The following TRIM33 variants were observed in gnomAD, a reference collection of about 807,000 sequenced individuals.
TRIM33 encodes the protein E3 ubiquitin-protein ligase TRIM33.
In TRIM33, 20 loss-of-function variants were observed where a neutral mutation model predicts 125.4. The observed-to-expected ratio is 0.16, with a 90% CI of 0.11 to 0.23. The LOEUF is 0.23. Among genes scored for constraint, TRIM33 ranks in the 10% least tolerant of loss-of-function variants. The probability of loss-of-function intolerance (pLI) is 1.00; values close to 1 mark genes in which losing one functional copy is unlikely to be tolerated. For missense variants in TRIM33, 920 were observed against 1,411.4 expected (o/e 0.65, Z 5.58); for synonymous variants, 564 against 513.9 (o/e 1.10, Z -1.32).
In TRIM33 at chr1:114,421,655, T is replaced by C; in HGVS notation, c.1861-19A>G. The C allele has an allele frequency of 6.2e-7, 1 of 1,610,768 alleles. No homozygotes were observed. Among genetic ancestry groups the C allele is most frequent in the African/African-American group, 1.3e-5 (1 of 74,990 alleles). On this transcript the variant is annotated intron_variant, in intron 10 of 19. Transcript: ENST00000358465. ...TTGAGTGCTAATAAGAAAGAAGACA[T>C]TATCATTACTTGATCTGCCAGAATC...
chr1:114,499,931 C>G (rs1652609789), intron 1 of TRIM33, among the ~76,000 whole-genome samples: 2 of 152,286 alleles, frequency 1.3e-5, no homozygotes, highest in South Asian at 4.1e-4. Context: ...GAGGCCCAGG[C>G]AGGCAGATCA....
At chr1:114,461,667 C>T (rs1019256183) in intron 4 of TRIM33, among the ~76,000 whole-genome samples, 3 of 152,034 alleles carry the variant, frequency 2.0e-5, no homozygotes, top group Non-Finnish European at 2.9e-5. Context: ...GTGGCAATGC[C>T]GCTGAAGCTA....
rs1483945591 is a variant in TRIM33, at chr1:114,395,423, T to G, written c.*2225A>C. 1 of 198,572 alleles carries G rather than the reference T, an allele frequency of 5.0e-6. No individual in the cohort carries two copies. Among genetic ancestry groups the G allele is most frequent in the Non-Finnish European group, 1.0e-5 (1 of 95,952 alleles). 12.3% of individuals were successfully genotyped at this position (198,572 alleles called of 1,614,324 possible). Reference sequence around the variant, plus strand: ...ACTGAAAAATATTTACTTAAAATGTTTCTCCCCTCAGTTGGCAGAATCTAT... The same window carrying G: ...ACTGAAAAATATTTACTTAAAATGTGTCTCCCCTCAGTTGGCAGAATCTAT... On this transcript the variant is annotated 3_prime_UTR_variant, in exon 20 of 20. Transcript: ENST00000358465.
At chr1:114,471,370 G>A (rs888366317) in intron 1 of TRIM33, among the ~76,000 whole-genome samples, 1 of 151,908 alleles carries the variant, frequency 6.6e-6, no homozygotes, top group Non-Finnish European at 1.5e-5. Flanking sequence ...GAACCCAGGA[G>A]GCGGAGACTG....
At chr1:114,444,830 A>C (rs114249129) in intron 4 of TRIM33, among the ~76,000 whole-genome samples, 4,015 of 152,346 alleles carry the variant, frequency 0.026, 93 homozygotes, top group Non-Finnish European at 0.034. Context: ...ACAGCAAAGA[A>C]AAAAGTACTC....
chr1:114,419,684 G>C (rs1233358853), intron 11 of TRIM33, among the ~76,000 whole-genome samples: 1 of 152,184 alleles, frequency 6.6e-6, no homozygotes, highest in African/African-American at 2.4e-5. Context: ...CAATATGTTA[G>C]TGATTTCTGA....
In TRIM33 at chr1:114,444,361, C is replaced by A. The variant is rs887559936; in HGVS notation, c.924-10628G>T. Among the ~76,000 whole-genome samples the A allele has an allele frequency of 2.0e-5, 3 of 152,202 alleles. No homozygotes were observed. The East Asian group carries it at 5.8e-4, about 29-fold the overall frequency. ...GACTGCCGTTGCTATAAAGTTGACA[C>A]TGGAAGAGAAGAACTAGAGGTCATG... On this transcript the variant is annotated intron_variant, in intron 4 of 19. Transcript: ENST00000358465.
intron 1 of TRIM33, among the ~76,000 whole-genome samples, chr1:114,500,321 T>C (rs904591573): frequency 6.6e-6 from 1 of 152,162 alleles, no homozygotes; most frequent in African/African-American, 2.4e-5. Flanking sequence ...TTGTTGTCGT[T>C]GTTTTTCTGT....
intron 1 of TRIM33, among the ~76,000 whole-genome samples, chr1:114,503,890 G>GA (rs1365189546): frequency 1.3e-5 from 2 of 152,160 alleles, no homozygotes; most frequent in Non-Finnish European, 1.5e-5. Context: ...AGTTTTCTAT[G>GA]AAAAAAAGCA....
intron 7 of TRIM33, 48 bp from the exon 8 acceptor site, chr1:114,427,342 G>T: frequency 1.0e-6 from 1 of 994,748 alleles, no homozygotes. Context: ...AATATCAATT[G>T]GGAAATCATA....
At chr1:114,419,899 A>G (rs1031363206) in intron 11 of TRIM33, among the ~76,000 whole-genome samples, 2 of 152,210 alleles carry the variant, frequency 1.3e-5, no homozygotes, top group South Asian at 4.1e-4. Context: ...AAAATTTTAA[A>G]AAGTTTGAAG....
At chr1:114,479,885 C>G (rs924996265) in intron 1 of TRIM33, among the ~76,000 whole-genome samples, 3 of 97,116 alleles carry the variant, frequency 3.1e-5, no homozygotes, top group African/African-American at 1.4e-4. Flanking sequence ...CACCCGGCCG[C>G]CGCCCCATCC....
intron 17 of TRIM33, 83 bp from the exon 18 acceptor site, chr1:114,399,692 T>C (rs1440934293): frequency 4.2e-5 from 51 of 1,228,360 alleles, no homozygotes; most frequent in Non-Finnish European, 5.4e-5. Flanking sequence ...ATATTAATTT[T>C]AGGGAAAAAA....
In TRIM33 at chr1:114,405,496, T is replaced by C. The variant is rs2101095639; in HGVS notation, c.2682A>G (p.Gln894=). The C allele has an allele frequency of 1.9e-6, 3 of 1,614,214 alleles. No individual in the cohort carries two copies. Among genetic ancestry groups the C allele is most frequent in the Non-Finnish European group, 2.5e-6 (3 of 1,180,036 alleles). ...DPNEDWCAVC[Q]NGGDLLCCEK... is the part of the protein sequence containing the mutation. Reference sequence around the variant, plus strand: ...CGCAGCACAAGAGATCTCCTCCGTTTTGGCAGACAGCACACCAGTCTTCAT... The same window carrying C: ...CGCAGCACAAGAGATCTCCTCCGTTCTGGCAGACAGCACACCAGTCTTCAT... Residue 894 remains glutamine (Q), a synonymous_variant, in exon 15 of 20, where the codon CAA becomes CAG. Coordinates refer to ENST00000358465, the MANE Select transcript of TRIM33 (RefSeq NM_015906.4).
At chr1:114,504,498 A>G (rs1202910135) in intron 1 of TRIM33, among the ~76,000 whole-genome samples, 2 of 152,300 alleles carry the variant, frequency 1.3e-5, no homozygotes, top group African/African-American at 2.4e-5. Context: ...CTTTTGCACC[A>G]TTAATATAAA....
chr1:114,501,829 T>C (rs1051349652), intron 1 of TRIM33, among the ~76,000 whole-genome samples: 7 of 142,350 alleles, frequency 4.9e-5, no homozygotes, highest in Non-Finnish European at 1.1e-4. Flanking sequence ...CATATAAGCA[T>C]TCAAATGTAC....
intron 1 of TRIM33, among the ~76,000 whole-genome samples, chr1:114,504,029 T>A (rs1652852860): frequency 6.6e-6 from 1 of 152,212 alleles, no homozygotes; most frequent in African/African-American, 2.4e-5. Context: ...ATATAGTAAT[T>A]GTTACTGTTT....
intron 4 of TRIM33, among the ~76,000 whole-genome samples, chr1:114,446,181 G>A (rs1648962913): frequency 6.6e-6 from 1 of 152,184 alleles, no homozygotes; most frequent in South Asian, 2.1e-4. Flanking sequence ...CATATGACAA[G>A]AAGATGAGAG....
intron 4 of TRIM33, among the ~76,000 whole-genome samples, chr1:114,461,535 T>C (rs940698113): frequency 7.3e-5 from 11 of 151,374 alleles, no homozygotes; most frequent in Non-Finnish European, 1.3e-4. Flanking sequence ...CTCTGTGTTG[T>C]GTGAGTATAG....
Sources: allele counts gnomAD v4.1 joint callset (sites outside exome capture counted in the v4.1 genomes callset), GRCh38; gene constraint gnomAD v4.1.1; transcripts MANE v1.5; gene names NCBI Gene and HGNC (gene_info 2026-07-23, HGNC 2026-07-21).